TUBD1: variants seen among roughly 807,000 people sequenced by gnomAD.
TUBD1 encodes tubulin delta 1.
In TUBD1, 38 loss-of-function variants were observed where a neutral mutation model predicts 51.2. The ratio of observed to expected loss-of-function variants is 0.74; its 90% CI spans 0.57 to 0.97. TUBD1 has a LOEUF of 0.97. Ranked by LOEUF, TUBD1 falls within the 50% of genes least tolerant of loss-of-function variation. The pLI is 0.00. For synonymous variants in TUBD1, 169 were observed against 178.2 expected (o/e 0.95, Z 0.41); for missense variants, 489 against 538.4 (o/e 0.91, Z 0.91).
chr17:59,874,121 G>A (rs1215012309), intron 6 of TUBD1, among the ~76,000 whole-genome samples: 1 of 143,042 alleles, frequency 7.0e-6, no homozygotes, highest in Non-Finnish European at 1.5e-5. Context: ...CCCGGGAGGC[G>A]GAGGTTGCAG....
intron 6 of TUBD1, among the ~76,000 whole-genome samples, chr17:59,868,459 G>A (rs947534870): frequency 2.0e-5 from 3 of 152,040 alleles, no homozygotes; most frequent in African/African-American, 7.2e-5. Context: ...ACTTTGAGAG[G>A]CTGAGGTGGA....
Position 59,866,754 on chromosome 17 carries a change from CAAAAGAA to C in TUBD1, c.935-12_935-6del. 1 of 1,577,090 alleles carries C rather than the reference CAAAAGAA, an allele frequency of 6.3e-7. No individual in the cohort carries two copies. The highest frequency in any genetic ancestry group is 8.6e-7 in the Non-Finnish European group (1 of 1,169,128). ...GCCATACATGCCTATCAATACCTAC[CAAAAGAA>C]AAAAAAAGCAAGAGGTTTTATTTTA... On this transcript the variant is annotated splice_region_variant and splice_polypyrimidine_tract_variant and intron_variant, in intron 6 of 8. Coordinates refer to ENST00000325752, the MANE Select transcript of TUBD1 (RefSeq NM_016261.4).
chr17:59,872,796 C>T (rs1211601645), intron 6 of TUBD1, among the ~76,000 whole-genome samples: 3 of 148,084 alleles, frequency 2.0e-5, no homozygotes, highest in South Asian at 2.1e-4. Context: ...GATGGAGTTT[C>T]ACTGTTATCA....
intron 5 of TUBD1, 110 bp downstream of exon 5, chr17:59,877,993 T>C: frequency 2.4e-6 from 2 of 824,052 alleles, no homozygotes; most frequent in South Asian, 3.6e-5. Context: ...GGTTTTGAGA[T>C]GAGCAAGACT....
rs1361632557 is a variant in TUBD1, at chr17:59,881,086, A to T, written c.345T>A (p.His115Gln). 6.2e-7 allele frequency: 1 copy of T among 1,614,154 alleles called. No individual in the cohort carries two copies. The highest frequency in any genetic ancestry group is 2.2e-5 in the East Asian group (1 of 44,874). The change falls in exon 4 of 9, where the codon CAT becomes CAA. Residue 115 changes from histidine to glutamine, a missense_variant. By Grantham distance (24) the His-to-Gln change is conservative (BLOSUM62 0). Transcript: ENST00000325752. ...GGATTATGTTCATTATAGATTCTTC[A>T]TGCCTGGGTCCATGAACAGAGTAAC... ...AYGYSVHGPR[H>Q]EESIMNIIRK...
chr17:59,892,348 C>T (rs1430523425), intron 1 of TUBD1, among the ~76,000 whole-genome samples: 1 of 152,162 alleles, frequency 6.6e-6, no homozygotes, highest in Non-Finnish European at 1.5e-5. Context: ...TCCAGACCAG[C>T]CTGGGCAACA....
intron 6 of TUBD1, among the ~76,000 whole-genome samples, chr17:59,868,643 A>C (rs1327922180): frequency 1.3e-5 from 2 of 151,984 alleles, no homozygotes; most frequent in South Asian, 2.1e-4. Context: ...TCGAGACCAT[A>C]CTGGCCAACA....
In TUBD1 at chr17:59,864,707, G is replaced by A. The variant is rs1053918279; in HGVS notation, c.1076-860C>T. Among the ~76,000 whole-genome samples the A allele has an allele frequency of 2.6e-5, 4 of 151,590 alleles. No individual in the cohort carries two copies. In the East Asian group the frequency reaches 5.8e-4, roughly 22 times the overall value. On this transcript the variant is annotated intron_variant, in intron 7 of 8. Transcript: ENST00000325752. ...GAGATGGGGTCTCACTATGTTGCCC[G>A]AGCTGGTCTCAAATTTCTGGGCCCA...
chr17:59,860,132 C>T lies in TUBD1; in HGVS notation c.*190G>A. The stretch of plus-strand genomic sequence containing the variant: ...CTGGGTTCACGTCATTCTCCTGCCT[C>T]AGCCTCCCGAGTAGCTGGGACTACA... On this transcript the variant is annotated 3_prime_UTR_variant, in exon 9 of 9. Transcript: ENST00000325752. 1 of 408,358 alleles carries T rather than the reference C, an allele frequency of 2.4e-6. No individual in the cohort carries two copies. Among genetic ancestry groups the T allele is most frequent in the East Asian group, 4.3e-5 (1 of 23,000 alleles). The allele number at this position is 408,358 out of a possible 1,614,324, so 25.3% of individuals were successfully genotyped here.
intron 2 of TUBD1, among the ~76,000 whole-genome samples, chr17:59,889,596 T>C (rs1181624818): frequency 7.1e-6 from 1 of 141,554 alleles, no homozygotes; most frequent in East Asian, 2.1e-4. Context: ...TTCAACCTGG[T>C]AGTCGGAGGT....
chr17:59,890,529 A>C (rs1359696672), intron 2 of TUBD1, among the ~76,000 whole-genome samples: 4 of 152,200 alleles, frequency 2.6e-5, no homozygotes, highest in Non-Finnish European at 5.9e-5. Flanking sequence ...GGCGTGAGCC[A>C]CCACGCCCAG....
chr17:59,865,224 A>G (rs2526358), intron 7 of TUBD1, among the ~76,000 whole-genome samples: 24,954 of 152,068 alleles, frequency 0.16, 2,500 homozygotes, highest in East Asian at 0.39. Context: ...GATAAAATGA[A>G]CCTGGAAACT....
intron 5 of TUBD1, among the ~76,000 whole-genome samples, chr17:59,875,070 ATTCTT>A (rs2040162861): frequency 9.1e-6 from 1 of 110,144 alleles, no homozygotes; most frequent in Non-Finnish European, 1.9e-5. Flanking sequence ...ATATTGTTAT[ATTCTT>A]TTTTTTTTTT....
intron 3 of TUBD1, chr17:59,885,077 G>T: frequency 2.8e-6 from 1 of 352,934 alleles, no homozygotes; most frequent in Non-Finnish European, 5.4e-6. Flanking sequence ...CCCAGAAAGT[G>T]GTGCCGCTGG....
intron 6 of TUBD1, among the ~76,000 whole-genome samples, chr17:59,872,722 GTGTGTGTC>G (rs2040047384): frequency 6.6e-6 from 1 of 150,424 alleles, no homozygotes; most frequent in African/African-American, 2.5e-5. Flanking sequence ...GTGTGTGTGT[GTGTGTGTC>G]TGTGTGTGTA....
chr17:59,889,668 CAAAAA>C (rs1195587619), intron 2 of TUBD1, among the ~76,000 whole-genome samples: 1 of 54,168 alleles, frequency 1.8e-5, no homozygotes. Flanking sequence ...GACTCTGTCT[CAAAAA>C]AAAAAAAAAA....
chr17:59,885,436 GA>G (rs1301851313), intron 3 of TUBD1: 4 of 1,342,338 alleles, frequency 3.0e-6, no homozygotes, highest in Admixed American at 3.4e-5. Context: ...CTGGGTGGGG[GA>G]TATGTACCCT....
At position 59,865,441 on chromosome 17, in the gene TUBD1, A is replaced by C. The variant is rs1006683037; in HGVS notation, c.1075+1168T>G. On this transcript the variant is annotated intron_variant, in intron 7 of 8. Transcript: ENST00000325752. ...CTAAAAATAAAAAAATCAACCGGGC[A>C]TGGTGGCGCATGCCTATAATCCCAG... Among the ~76,000 whole-genome samples the C allele has an allele frequency of 1.6e-4, 24 of 152,166 alleles. 1 individual carries two copies. Among genetic ancestry groups the C allele is most frequent in the Admixed American group, 1.5e-3 (23 of 15,278 alleles).
chr17:59,866,242 T>C (rs2039695244), intron 7 of TUBD1, among the ~76,000 whole-genome samples: 1 of 151,500 alleles, frequency 6.6e-6, no homozygotes, highest in East Asian at 1.9e-4. Flanking sequence ...TTTTTTTTTT[T>C]TTTTTTAATA....
Sources: gnomAD v4.1 joint callset for allele counts (sites outside exome capture counted in the v4.1 genomes callset) on GRCh38, gnomAD v4.1.1 for gene constraint, MANE v1.5 for transcripts, NCBI Gene and HGNC (gene_info 2026-07-23, HGNC 2026-07-21) for gene names.